Variants in EFCAB12 observed in about 807,000 individuals in gnomAD.
The protein encoded by EFCAB12 is EF-hand calcium-binding domain-containing protein 12.
Under a neutral mutation model 53.6 loss-of-function variants are expected in EFCAB12, and 43 were observed. The observed-to-expected ratio is 0.80, with a 90% CI of 0.63 to 1.03. EFCAB12 has a LOEUF of 1.03. Among genes scored for constraint, EFCAB12 ranks in the 50% least tolerant of loss-of-function variants. EFCAB12 has a pLI of 0.00. For synonymous variants in EFCAB12, 269 were observed against 289.2 expected (o/e 0.93, Z 0.71); for missense variants, 646 against 730.6 (o/e 0.88, Z 1.34).
intron 1 of EFCAB12, among the ~76,000 whole-genome samples, chr3:129,426,363 T>TTG (rs1437219678): frequency 3.9e-5 from 5 of 128,098 alleles, no homozygotes; most frequent in East Asian, 6.3e-4. Flanking sequence ...TTTTTTGTTT[T>TTG]TTTTTTTTTT....
chr3:129,426,936 C>T lies in EFCAB12; in HGVS notation c.49+1504G>A, dbSNP rs190683948. 1.9e-3 allele frequency among the ~76,000 whole-genome samples: 285 copies of T among 151,432 alleles called. 1 individual carries two copies. Among genetic ancestry groups the T allele is most frequent in the African/African-American group, 5.9e-3 (244 of 41,148 alleles). On this transcript the variant is annotated intron_variant, in intron 1 of 8. Transcript: ENST00000505956. ...GATCTTGGCTCACTGCAAGCTCCACCTCCCTGGTTCATGCCATTCTCCTGC... is the reference window on the plus strand; with the variant it reads ...GATCTTGGCTCACTGCAAGCTCCACTTCCCTGGTTCATGCCATTCTCCTGC...
At chr3:129,426,359 G>GTTTTTTTT (rs71620055) in intron 1 of EFCAB12, among the ~76,000 whole-genome samples, 200 of 87,826 alleles carry the variant, frequency 2.3e-3, no homozygotes, top group Non-Finnish European at 3.3e-3. Context: ...GTTTTTTTTT[G>GTTTTTTTT]TTTTTTTTTT....
In EFCAB12 at chr3:129,404,408, G is replaced by A. The variant is rs772723119; in HGVS notation, c.1250-5C>T. The A allele has an allele frequency of 5.6e-6, 9 of 1,611,678 alleles. No homozygotes were observed. The South Asian group carries it at 7.7e-5, about 14-fold the overall frequency. On this transcript the variant is annotated splice_polypyrimidine_tract_variant and splice_region_variant and intron_variant, in intron 6 of 8. Transcript: ENST00000505956. ...TGTCTCCTGGGTACAGCAAGGCTGTGGACAGCAAGAGAAACATCTGCACCC... is the reference window on the plus strand; with the variant it reads ...TGTCTCCTGGGTACAGCAAGGCTGTAGACAGCAAGAGAAACATCTGCACCC...
At chr3:129,422,108 T>C (rs1338903390) in intron 1 of EFCAB12, among the ~76,000 whole-genome samples, 1 of 152,152 alleles carries the variant, frequency 6.6e-6, no homozygotes, top group African/African-American at 2.4e-5. Context: ...TCTTGTGTGA[T>C]CATCTGAGGC....
At chr3:129,404,144 A>C in intron 7 of EFCAB12, 106 bp downstream of exon 7, 1 of 1,463,246 alleles carries the variant, frequency 6.8e-7, no homozygotes, top group South Asian at 1.3e-5. Flanking sequence ...ATGCAGACGC[A>C]AGCACAGCAT....
chr3:129,428,452 A>C lies in EFCAB12; in HGVS notation c.37T>G (p.Leu13Val), dbSNP rs374619709. 2 of 1,610,562 alleles carry C rather than the reference A, an allele frequency of 1.2e-6. No individual in the cohort carries two copies. Among genetic ancestry groups the C allele is most frequent in the Non-Finnish European group, 1.7e-6 (2 of 1,178,414 alleles). ...TCCCGGGGCTTACCGAGCAGCGACA[A>C]GAACAGACTGTGGTACGCTTCATAG... ...DDYEAYHSLF[L>V]SLLGLCPSKT... The change falls in exon 1 of 9, where the codon TTG (leucine) becomes GTG (valine). Residue 13 changes from leucine (L) to valine (V), a missense_variant. Transcript: ENST00000505956.
At chr3:129,419,025 T>C (rs1314761653) in intron 2 of EFCAB12, among the ~76,000 whole-genome samples, 1 of 152,206 alleles carries the variant, frequency 6.6e-6, no homozygotes, top group Non-Finnish European at 1.5e-5. Flanking sequence ...AGGGTGCTTA[T>C]TATAATAGAG....
intron 4 of EFCAB12, chr3:129,412,210 C>T (rs189015715): frequency 6.6e-6 from 1 of 152,092 alleles, no homozygotes; most frequent in East Asian, 1.9e-4. Flanking sequence ...TCCATCCCCC[C>T]CCAAAAATAT....
intron 4 of EFCAB12, chr3:129,411,564 G>A: frequency 2.2e-6 from 1 of 462,040 alleles, no homozygotes; most frequent in Admixed American, 3.9e-5. Context: ...GTCCCTTACT[G>A]CACCAACCCC....
chr3:129,427,104 C>A lies in EFCAB12; in HGVS notation c.49+1336G>T, dbSNP rs1373671413. ...CCTCGTGATCCACCCACCTCAGCCTCCTAAAGTGCTGGGATTACAGGCGTG... is the reference window on the plus strand; with the variant it reads ...CCTCGTGATCCACCCACCTCAGCCTACTAAAGTGCTGGGATTACAGGCGTG... On this transcript the variant is annotated intron_variant, in intron 1 of 8. Coordinates refer to ENST00000505956, the MANE Select transcript of EFCAB12 (RefSeq NM_207307.3). 2.6e-5 allele frequency among the ~76,000 whole-genome samples: 4 copies of A among 152,214 alleles called. No individual in the cohort carries two copies. The East Asian group carries it at 7.7e-4, about 29-fold the overall frequency.
intron 3 of EFCAB12, among the ~76,000 whole-genome samples, chr3:129,416,499 A>C (rs2072117694): frequency 6.6e-6 from 1 of 152,268 alleles, no homozygotes. Context: ...ACTTTTGGTT[A>C]TGGAGATTAA....
chr3:129,421,159 C>G (rs972215726), intron 2 of EFCAB12, among the ~76,000 whole-genome samples: 4 of 152,250 alleles, frequency 2.6e-5, no homozygotes, highest in African/African-American at 7.2e-5. Flanking sequence ...GGTGTGTGAT[C>G]ATAAATATTT....
intron 6 of EFCAB12, among the ~76,000 whole-genome samples, chr3:129,406,866 GTT>G (rs57346398): frequency 4.2e-4 from 59 of 140,958 alleles, no homozygotes; most frequent in Admixed American, 1.3e-3. Flanking sequence ...ATTTTGGTGG[GTT>G]TTTTTTTTTT....
At chr3:129,404,524 TC>T in intron 6 of EFCAB12, 121 bp from the exon 7 acceptor site, 3 of 1,189,338 alleles carry the variant, frequency 2.5e-6, no homozygotes, top group African/African-American at 1.7e-5. Flanking sequence ...GACGTTTTCT[TC>T]TTATCTATAT....
At chr3:129,426,606 C>T (rs1460617053) in intron 1 of EFCAB12, among the ~76,000 whole-genome samples, 5 of 151,352 alleles carry the variant, frequency 3.3e-5, no homozygotes, top group Admixed American at 1.3e-4. Context: ...CCTGGTGATC[C>T]GCCCACCTCA....
At chr3:129,427,260 G>T (rs1577055360) in intron 1 of EFCAB12, among the ~76,000 whole-genome samples, 1 of 152,168 alleles carries the variant, frequency 6.6e-6, no homozygotes. Context: ...ATAGTGCTGG[G>T]ATTACAGGCG....
intron 7 of EFCAB12, chr3:129,403,912 C>T (rs1463996883): frequency 5.5e-6 from 1 of 181,896 alleles, no homozygotes; most frequent in Non-Finnish European, 1.1e-5. Context: ...GGCCCTGACA[C>T]CTGGCTGGGG....
In EFCAB12 at chr3:129,421,363, T is replaced by C. The variant is rs769039790; in HGVS notation, c.486+4A>G. 6.3e-6 allele frequency: 10 copies of C among 1,598,550 alleles called. No individual in the cohort carries two copies. In the South Asian group the frequency reaches 1.1e-4, roughly 18 times the overall value. The stretch of plus-strand genomic sequence containing the variant: ...GTCTTCATCTGGCAAATGGGGCTGC[T>C]CACCCTGGTGGTCCTGGTAGTTGCC... On this transcript the variant is annotated splice_donor_region_variant and intron_variant, in intron 2 of 8. Transcript: ENST00000505956.
chr3:129,418,855 A>C (rs1462225304), intron 2 of EFCAB12, among the ~76,000 whole-genome samples: 1 of 152,086 alleles, frequency 6.6e-6, no homozygotes, highest in Non-Finnish European at 1.5e-5. Flanking sequence ...TGCCTGGAAG[A>C]CTTTTCTCTC....
Sources: allele counts gnomAD v4.1 joint callset (sites outside exome capture counted in the v4.1 genomes callset), GRCh38; gene constraint gnomAD v4.1.1; transcripts MANE v1.5; gene names NCBI Gene and HGNC (gene_info 2026-07-23, HGNC 2026-07-21).